Variants in FAR2 observed in about 807,000 individuals in gnomAD.
FAR2 encodes epididymis secretory protein Li 81.
FAR2 carries 19 observed loss-of-function variants against 56.0 expected under a neutral mutation model. The observed-to-expected ratio is 0.34, with a 90% CI of 0.24 to 0.50. FAR2 has a LOEUF of 0.50. FAR2 is among the 20% of genes least tolerant of loss of function. The pLI is 0.98. For missense variants in FAR2, 508 were observed against 642.2 expected (o/e 0.79, Z 2.26); for synonymous variants, 219 against 218.8 (o/e 1.00, Z -0.01).
At chr12:29,312,437 C>A (rs940039722) in intron 8 of FAR2, among the ~76,000 whole-genome samples, 1 of 152,074 alleles carries the variant, frequency 6.6e-6, no homozygotes, top group Non-Finnish European at 1.5e-5. Context: ...CTCAGGTGTG[C>A]AATAACCACT....
intron 1 of FAR2, among the ~76,000 whole-genome samples, chr12:29,256,017 CCA>C (rs1358113068): frequency 6.6e-6 from 1 of 151,710 alleles, no homozygotes; most frequent in East Asian, 1.9e-4. Flanking sequence ...TTACAGGTGC[CCA>C]CCACCATGCC....
chr12:29,265,779 A>G lies in FAR2; in HGVS notation c.-38-4633A>G, dbSNP rs183812543. On this transcript the variant is annotated intron_variant, in intron 1 of 11. Transcript: ENST00000536681. ...TAAACTATCCATCTGACAAGGGATT[A>G]AGAACCAGAATATATAAGGAACACA... Among the ~76,000 whole-genome samples, 57 of 152,334 alleles carry G rather than the reference A, an allele frequency of 3.7e-4. No homozygotes were observed. The East Asian group carries it at 8.5e-3, about 23-fold the overall frequency.
chr12:29,220,637 C>T (rs191076680), intron 1 of FAR2, among the ~76,000 whole-genome samples: 1 of 152,190 alleles, frequency 6.6e-6, no homozygotes, highest in Non-Finnish European at 1.5e-5. Context: ...CATTTTCTCT[C>T]ATTGTTAGCA....
chr12:29,297,073 A>G lies in FAR2; in HGVS notation c.418A>G (p.Ser140Gly), dbSNP rs755142354. 1.6e-5 allele frequency: 26 copies of G among 1,613,152 alleles called. No individual in the cohort carries two copies. Among genetic ancestry groups the G allele is most frequent in the Non-Finnish European group, 2.0e-5 (24 of 1,179,592 alleles). Residue 140 changes from serine to glycine, a missense_variant, in exon 4 of 12, where the codon AGT (serine) becomes GGT (glycine). Physicochemically the swap from Ser to Gly is moderately conservative, Grantham distance 56 (BLOSUM62 0). Coordinates refer to ENST00000536681, the MANE Select transcript of FAR2 (RefSeq NM_001271783.2). ...CACCCGGCAGCTCTTGCTTATGGCT[A>G]GTCAGATGCCAAAGCTGGAAGCCTT... ...TATRQLLLMA[S>G]QMPKLEAFIH...
intron 1 of FAR2, among the ~76,000 whole-genome samples, chr12:29,252,864 G>A (rs996414261): frequency 6.6e-6 from 1 of 152,098 alleles, no homozygotes; most frequent in African/African-American, 2.4e-5. Context: ...CCAGGTATTT[G>A]GTCAAAGTTA....
chr12:29,167,488 T>C (rs1312941189), intron 1 of FAR2, among the ~76,000 whole-genome samples: 1 of 152,212 alleles, frequency 6.6e-6, no homozygotes, highest in East Asian at 1.9e-4. Flanking sequence ...CTTATTTTCG[T>C]TCTCTCCTTT....
intron 1 of FAR2, among the ~76,000 whole-genome samples, chr12:29,206,002 G>T (rs1046506188): frequency 1.3e-5 from 2 of 152,144 alleles, no homozygotes; most frequent in Admixed American, 1.3e-4. Flanking sequence ...GCATAATAAA[G>T]ATGCAATTTA....
intron 1 of FAR2, among the ~76,000 whole-genome samples, chr12:29,225,042 C>T (rs999314419): frequency 6.6e-5 from 10 of 152,108 alleles, no homozygotes; most frequent in Admixed American, 2.6e-4. Context: ...TTGAGACCAG[C>T]CTTGGCAACA....
In FAR2 at chr12:29,270,521, A is replaced by G. The variant is rs1339477342; in HGVS notation, c.72A>G (p.Lys24=). The change falls in exon 2 of 12, where the codon AAA becomes AAG. Residue 24 remains lysine, a synonymous_variant. Coordinates refer to ENST00000536681, the MANE Select transcript of FAR2 (RefSeq NM_001271783.2). ...LITGATGFLG[K]VLMEKLFRTS... is the part of the protein sequence containing the mutation. ...CGGGGGCCACAGGCTTTCTGGGCAA[A>G]GTGCTGATGGAGAAGCTGTTTCGCA... 1.9e-6 allele frequency: 3 copies of G among 1,613,282 alleles called. No individual in the cohort carries two copies. Among genetic ancestry groups the G allele is most frequent in the Non-Finnish European group, 1.7e-6 (2 of 1,179,480 alleles).
chr12:29,170,749 CCTCTCTCT>C (rs57701261), intron 1 of FAR2, among the ~76,000 whole-genome samples: 110,836 of 150,284 alleles, frequency 0.74, 42,801 homozygotes, highest in East Asian at 0.9. Flanking sequence ...TCTGTCTCTT[CCTCTCTCT>C]CTCTCTCTCT....
chr12:29,298,446 T>G (rs3782508), intron 4 of FAR2, among the ~76,000 whole-genome samples: 82,596 of 151,852 alleles, frequency 0.54, 22,944 homozygotes, highest in East Asian at 0.65. Flanking sequence ...AAGAGTTCAT[T>G]ACCTTCAGGG....
rs560236906 is a variant in FAR2 at position 29,169,342 on chromosome 12, G to A, written c.-39+19935G>A. Among the ~76,000 whole-genome samples the A allele has an allele frequency of 8.3e-4, 127 of 152,334 alleles. 1 individual carries two copies. The highest frequency in any genetic ancestry group is 2.9e-3 in the African/African-American group (120 of 41,572). The stretch of plus-strand genomic sequence containing the variant: ...GTCAGTCCAGAGGTCCTTGGTAGAA[G>A]TTGTTAGTTGAGCTCATTTGGGGTT... On this transcript the variant is annotated intron_variant, in intron 1 of 11. Transcript: ENST00000536681.
chr12:29,186,977 A>T (rs967584450), intron 1 of FAR2, among the ~76,000 whole-genome samples: 1 of 151,802 alleles, frequency 6.6e-6, no homozygotes, highest in Non-Finnish European at 1.5e-5. Context: ...TTTAGTAGAG[A>T]CGGGGTTTCA....
chr12:29,223,277 A>C (rs1430965454), intron 1 of FAR2, among the ~76,000 whole-genome samples: 1 of 152,324 alleles, frequency 6.6e-6, no homozygotes, highest in East Asian at 1.9e-4. Flanking sequence ...TGTTTACTAC[A>C]GTGCATTCCT....
chr12:29,322,277 T>A (rs1450296624), intron 10 of FAR2, among the ~76,000 whole-genome samples: 1 of 152,242 alleles, frequency 6.6e-6, no homozygotes, highest in Non-Finnish European at 1.5e-5. Flanking sequence ...CCACAGCATA[T>A]GACTTCAATG....
intron 4 of FAR2, chr12:29,301,724 T>C (rs1949167257): frequency 1.3e-5 from 2 of 152,252 alleles, no homozygotes; most frequent in Admixed American, 1.3e-4. Flanking sequence ...GAGCAATTAC[T>C]GTGAGGAAGA....
chr12:29,260,726 A>T (rs559024689), intron 1 of FAR2, among the ~76,000 whole-genome samples: 5 of 152,206 alleles, frequency 3.3e-5, no homozygotes, highest in Non-Finnish European at 7.3e-5. Context: ...CCCTGGCTCC[A>T]GGAAGGCATC....
chr12:29,307,371 G>A, intron 4 of FAR2, among the ~76,000 whole-genome samples: 1 of 151,598 alleles, frequency 6.6e-6, no homozygotes, highest in East Asian at 1.9e-4. Context: ...AAGTAGTATT[G>A]CTATTGATTC....
At chr12:29,233,727 T>C (rs1947894536) in intron 1 of FAR2, among the ~76,000 whole-genome samples, 1 of 152,214 alleles carries the variant, frequency 6.6e-6, no homozygotes, top group African/African-American at 2.4e-5. Context: ...CAATGTAAAA[T>C]ACATTTAAGT....
Sources: allele counts gnomAD v4.1 joint callset (sites outside exome capture counted in the v4.1 genomes callset), GRCh38; gene constraint gnomAD v4.1.1; transcripts MANE v1.5; gene names NCBI Gene and HGNC (gene_info 2026-07-23, HGNC 2026-07-21).